PRELID3B: variants seen among roughly 807,000 people sequenced by gnomAD.
PRELID3B encodes the protein PRELI domain containing protein 3B.
Under a neutral mutation model 24.0 loss-of-function variants are expected in PRELID3B, and 15 were observed. That is an observed-to-expected ratio of 0.63 (90% CI 0.42 to 0.96). The LOEUF (loss-of-function observed/expected upper bound fraction) is 0.96. Ranked by LOEUF, PRELID3B falls within the 40% of genes least tolerant of loss-of-function variation. PRELID3B has a pLI of 0.00. For synonymous variants in PRELID3B, 62 were observed against 76.0 expected, an observed-to-expected ratio of 0.82 and a Z score of 0.96; for missense variants, 189 against 236.0, an observed-to-expected ratio of 0.80 and a Z score of 1.30.
rs570773375 is a variant in PRELID3B at position 59,035,172 on chromosome 20, G to A, written c.466-46C>T. 283 of 1,552,664 alleles carry A rather than the reference G, an allele frequency of 1.8e-4. 2 individuals are homozygous for A. The South Asian group carries it at 3.3e-3, about 18-fold the overall frequency. ...TTTATTGTTACTGAGGGAGAGCAAA[G>A]GCATATATCGAACTAATGACACACC... On this transcript the variant is annotated intron_variant, in intron 5 of 5. Coordinates refer to ENST00000355937, the MANE Select transcript of PRELID3B (RefSeq NM_016045.3).
intron 2 of PRELID3B, 129 bp downstream of exon 2, chr20:59,038,337 T>C: frequency 2.9e-6 from 2 of 680,980 alleles, no homozygotes; most frequent in Non-Finnish European, 4.7e-6. Context: ...AAGTTTATTA[T>C]AATACAACTT....
rs753851909 is a variant in PRELID3B at position 59,036,668 on chromosome 20, T to C, written c.362+22A>G. On this transcript the variant is annotated intron_variant, in intron 4 of 5. Transcript: ENST00000355937. ...CCTTAAACACCCTTTACGATACATT[T>C]GTTAAAATATTTTTTACTCACTTTT... The C allele has an allele frequency of 3.8e-6, 6 of 1,587,988 alleles. No individual in the cohort carries two copies. In the African/African-American group the frequency reaches 8.3e-5, roughly 22 times the overall value.
chr20:59,038,905 C>T (rs773371893), intron 1 of PRELID3B, among the ~76,000 whole-genome samples: 91 of 152,182 alleles, frequency 6.0e-4, no homozygotes, highest in Non-Finnish European at 1.1e-3. Flanking sequence ...TCCTACTTAT[C>T]CTTATCCACT....
intron 1 of PRELID3B, among the ~76,000 whole-genome samples, chr20:59,039,928 CA>C (rs1268291344): frequency 6.6e-6 from 1 of 152,214 alleles, no homozygotes; most frequent in African/African-American, 2.4e-5. Context: ...AGAGTTGCTT[CA>C]TCAATCTGAA....
chr20:59,034,737 AG>A lies in PRELID3B; in HGVS notation c.*269del, dbSNP rs2092057916. The A allele has an allele frequency of 4.5e-5, 11 of 244,742 alleles. No individual in the cohort carries two copies. In the South Asian group the frequency reaches 7.9e-4, roughly 17 times the overall value. 15.2% of individuals were successfully genotyped at this position (244,742 alleles called of 1,614,324 possible). ...CTTAAGGAGACTGAATATCAATACC[AG>A]TTTCCAAGGAGTTCTTGTTGAATTT... On this transcript the variant is annotated 3_prime_UTR_variant, in exon 6 of 6. Coordinates refer to ENST00000355937, the MANE Select transcript of PRELID3B (RefSeq NM_016045.3).
chr20:59,036,380 T>A (rs1056904027), intron 5 of PRELID3B, 91 bp downstream of exon 5: 5 of 962,972 alleles, frequency 5.2e-6, no homozygotes, highest in Non-Finnish European at 6.6e-6. Flanking sequence ...TGGGCAAGGG[T>A]CAGCTTACAA....
chr20:59,040,823 TG>T lies in PRELID3B; in HGVS notation c.32+1875del, dbSNP rs1306451034. ...AAGGTACAGATCTGGGTGCCATAAA[TG>T]TATACCTATCATTTGGGACTTTGAC... is the stretch of plus-strand genomic sequence containing the variant. On this transcript the variant is annotated intron_variant, in intron 1 of 5. Coordinates refer to ENST00000355937, the MANE Select transcript of PRELID3B (RefSeq NM_016045.3). The surrounding 1 kb of genome is among the most constrained non-coding windows in gnomAD (Gnocchi z 4.1). Among the ~76,000 whole-genome samples, 1 of 152,096 alleles carries T rather than the reference TG, an allele frequency of 6.6e-6. No homozygotes were observed. Among genetic ancestry groups the T allele is most frequent in the African/African-American group, 2.4e-5 (1 of 41,388 alleles).
At chr20:59,042,147 A>G (rs1252523863) in intron 1 of PRELID3B, among the ~76,000 whole-genome samples, 1 of 152,236 alleles carries the variant, frequency 6.6e-6, no homozygotes, top group Admixed American at 6.5e-5. Context: ...CTTGAATTCC[A>G]AATCCAAGGC....
chr20:59,036,345 C>T lies in PRELID3B; in HGVS notation c.465+126G>A, dbSNP rs1373808875. ...AGAGCCTTTGTAAGTAACTGCCCAA[C>T]GTGCTGCAGTTTCCTATGGTAGAAT... On this transcript the variant is annotated intron_variant, in intron 5 of 5. Transcript: ENST00000355937. 2.0e-5 allele frequency: 14 copies of T among 691,210 alleles called. No homozygotes were observed. The Admixed American group carries it at 2.5e-4, about 12-fold the overall frequency. 42.8% of individuals were successfully genotyped at this position (691,210 alleles called of 1,614,324 possible).
Position 59,038,179 on chromosome 20 carries a change from T to G in PRELID3B, c.201+287A>C, listed in dbSNP as rs987548609. 3.1e-5 allele frequency: 9 copies of G among 293,264 alleles called. No homozygotes were observed. The Admixed American group carries it at 4.2e-4, about 14-fold the overall frequency. The allele number at this position is 293,264 out of a possible 1,614,324, so 18.2% of individuals were successfully genotyped here. A position where few individuals can be genotyped will look rare whatever the true frequency, so the allele number is the denominator to read the frequency against. On this transcript the variant is annotated intron_variant, in intron 2 of 5. Transcript: ENST00000355937. ...GACCATTACTGCCAAACCTTAGTATTGGTCTCAAGTTGCTGGCAAAAGCAG... is the reference window on the plus strand; with the variant it reads ...GACCATTACTGCCAAACCTTAGTATGGGTCTCAAGTTGCTGGCAAAAGCAG...
chr20:59,033,233 A>G lies in PRELID3B; in HGVS notation c.*1774T>C, dbSNP rs1205617658. On this transcript the variant is annotated 3_prime_UTR_variant, in exon 6 of 6. Coordinates refer to ENST00000355937, the MANE Select transcript of PRELID3B (RefSeq NM_016045.3). ...TAGTCCAAGGGTTTCATTTATGAAC[A>G]CTTATTCCAGTTTAGTTCTCTTAAA... The G allele has an allele frequency of 1.3e-5, 2 of 152,242 alleles. 1 individual carries two copies. Among genetic ancestry groups the G allele is most frequent in the South Asian group, 4.1e-4 (2 of 4,834 alleles). 9.4% of individuals were successfully genotyped at this position (152,242 alleles called of 1,614,324 possible).
Position 59,040,439 on chromosome 20 carries a change from C to T in PRELID3B, c.33-1805G>A, listed in dbSNP as rs561348211. Among the ~76,000 whole-genome samples the T allele has an allele frequency of 3.9e-5, 6 of 152,258 alleles. No homozygotes were observed. The highest frequency in any genetic ancestry group is 2.1e-4 in the South Asian group (1 of 4,820). On this transcript the variant is annotated intron_variant, in intron 1 of 5. Transcript: ENST00000355937. The surrounding 1 kb of genome is among the most constrained non-coding windows in gnomAD (Gnocchi z 4.1). ...GTGAGGACATTATTAACTCCACTGG[C>T]GCAGCATCGAGGTCTTGATTTACTT... is the stretch of plus-strand genomic sequence containing the variant.
chr20:59,036,772 A>AT lies in PRELID3B; in HGVS notation c.292-13_292-12insA. The AT allele has an allele frequency of 6.7e-7, 1 of 1,492,486 alleles. No individual in the cohort carries two copies. The highest frequency in any genetic ancestry group is 1.2e-5 in the South Asian group (1 of 80,712). The allele number at this position is 1,492,486 out of a possible 1,614,324, so 92.5% of individuals were successfully genotyped here. ...TTTGTAAATGAAATCTACAGAATGA[A>AT]GAAAAAAAAAAAAGATCAAATCATT... On this transcript the variant is annotated splice_polypyrimidine_tract_variant and intron_variant, in intron 3 of 5. Transcript: ENST00000355937.
chr20:59,038,440 T>G (rs2092088806), intron 2 of PRELID3B, 26 bp downstream of exon 2: 1 of 1,598,122 alleles, frequency 6.3e-7, no homozygotes. Context: ...GCAGTCACAT[T>G]TCTCCGGGAA....
chr20:59,034,228 AG>A lies in PRELID3B; in HGVS notation c.*778del, dbSNP rs2092054406. On this transcript the variant is annotated 3_prime_UTR_variant, in exon 6 of 6. Coordinates refer to ENST00000355937, the MANE Select transcript of PRELID3B (RefSeq NM_016045.3). The stretch of plus-strand genomic sequence containing the variant: ...AGTTAGGCAAATGTAAAATGCTAAA[AG>A]ATGTGAACAGCTGTTCTTCTGTTTA... 6.6e-6 allele frequency: 1 copy of A among 152,278 alleles called. No individual in the cohort carries two copies. The highest frequency in any genetic ancestry group is 1.5e-5 in the Non-Finnish European group (1 of 68,048). The allele number at this position is 152,278 out of a possible 1,614,324, so 9.4% of individuals were successfully genotyped here.
intron 2 of PRELID3B, 29 bp from the exon 3 acceptor site, chr20:59,037,309 AGAG>A (rs745844733): frequency 1.1e-4 from 168 of 1,484,342 alleles, no homozygotes; most frequent in Non-Finnish European, 1.5e-4. Context: ...ACTAGGAATC[AGAG>A]GAGGAAGAAT....
chr20:59,042,235 G>A, intron 1 of PRELID3B, among the ~76,000 whole-genome samples: 1 of 152,230 alleles, frequency 6.6e-6, no homozygotes, highest in South Asian at 2.1e-4. Context: ...CACATTCGAA[G>A]GTAGAAACTC....
In PRELID3B at chr20:59,040,601, A is replaced by G. The variant is rs1427089611; in HGVS notation, c.33-1967T>C. Among the ~76,000 whole-genome samples the G allele has an allele frequency of 6.6e-6, 1 of 152,260 alleles. No homozygotes were observed. Among genetic ancestry groups the G allele is most frequent in the Non-Finnish European group, 1.5e-5 (1 of 68,042 alleles). Reference sequence around the variant, plus strand: ...AAAAGTGTTGGAAAATCAAAGACAGATAAGATGTAGAATGATGACTTAGAC... The same window carrying G: ...AAAAGTGTTGGAAAATCAAAGACAGGTAAGATGTAGAATGATGACTTAGAC... On this transcript the variant is annotated intron_variant, in intron 1 of 5. Transcript: ENST00000355937. The surrounding 1 kb of genome is among the most constrained non-coding windows in gnomAD (Gnocchi z 4.1).
Position 59,036,665 on chromosome 20 carries a change from A to G in PRELID3B, c.362+25T>C, listed in dbSNP as rs984988580. 2.5e-6 allele frequency: 4 copies of G among 1,584,886 alleles called. No homozygotes were observed. In the African/African-American group the frequency reaches 4.2e-5, roughly 17 times the overall value. On this transcript the variant is annotated intron_variant, in intron 4 of 5. Coordinates refer to ENST00000355937, the MANE Select transcript of PRELID3B (RefSeq NM_016045.3). ...AAACCTTAAACACCCTTTACGATACATTTGTTAAAATATTTTTTACTCACT... is the reference window on the plus strand; with the variant it reads ...AAACCTTAAACACCCTTTACGATACGTTTGTTAAAATATTTTTTACTCACT...
Sources: allele counts gnomAD v4.1 joint callset (sites outside exome capture counted in the v4.1 genomes callset), GRCh38; gene constraint gnomAD v4.1.1; non-coding constraint Gnocchi (gnomAD v3.1); transcripts MANE v1.5; gene names NCBI Gene and HGNC (gene_info 2026-07-23, HGNC 2026-07-21).